The following GK5 variants were observed in gnomAD, a reference collection of about 807,000 sequenced individuals.
The protein encoded by GK5 is ATP:glycerol 3-phosphotransferase 5.
Under a neutral mutation model 77.3 loss-of-function variants are expected in GK5, and 39 were observed. That is an observed-to-expected ratio of 0.50 (90% confidence interval 0.39 to 0.66). GK5 has a LOEUF of 0.66. Ranked by LOEUF, GK5 falls within the 30% of genes least tolerant of loss-of-function variation. The pLI is 0.00. For missense variants in GK5, 487 were observed against 633.8 expected (o/e 0.77, Z 2.49); for synonymous variants, 211 against 208.0 (o/e 1.01, Z -0.13).
At chr3:142,184,768 G>A (rs925932203) in intron 9 of GK5, 65 of 669,148 alleles carry the variant, frequency 9.7e-5, no homozygotes, top group East Asian at 1.4e-4. Context: ...CCCGAGAGGC[G>A]GAGGTCACAG....
At chr3:142,200,468 ATTTC>A (rs1226340910) in intron 4 of GK5, among the ~76,000 whole-genome samples, 3 of 152,144 alleles carry the variant, frequency 2.0e-5, no homozygotes, top group African/African-American at 7.2e-5. Flanking sequence ...GCACCCTGTC[ATTTC>A]TTTATATTTT....
At position 142,165,026 on chromosome 3, in the gene GK5, A is replaced by T. The variant is rs945942631; in HGVS notation, c.*596T>A. On this transcript the variant is annotated 3_prime_UTR_variant, in exon 16 of 16. Coordinates refer to ENST00000392993, the MANE Select transcript of GK5 (RefSeq NM_001039547.3). ...GAAAAATTAAGGCAGTGTCTTTAAGACCAGTAAAGGAAAGCATTAACTATC... is the reference window on the plus strand; with the variant it reads ...GAAAAATTAAGGCAGTGTCTTTAAGTCCAGTAAAGGAAAGCATTAACTATC... 5.2e-5 allele frequency: 8 copies of T among 152,650 alleles called. No individual in the cohort carries two copies. The highest frequency in any genetic ancestry group is 1.9e-4 in the African/African-American group (8 of 41,470). The allele number at this position is 152,650 out of a possible 1,614,324, so 9.5% of individuals were successfully genotyped here.
At chr3:142,195,711 C>T (rs1165262597) in intron 5 of GK5, among the ~76,000 whole-genome samples, 1 of 152,114 alleles carries the variant, frequency 6.6e-6, no homozygotes, top group Non-Finnish European at 1.5e-5. Context: ...TTTCTTTTCT[C>T]TTGATGTCTT....
At chr3:142,174,386 G>A (rs61119800) in intron 12 of GK5, among the ~76,000 whole-genome samples, 2,408 of 152,194 alleles carry the variant, frequency 0.016, 71 homozygotes, top group African/African-American at 0.056. Flanking sequence ...TAGTAAATCT[G>A]GTTTATATCA....
At chr3:142,171,541 T>C in intron 13 of GK5, 63 bp from the exon 14 acceptor site, 1 of 1,095,934 alleles carries the variant, frequency 9.1e-7, no homozygotes, top group Non-Finnish European at 1.3e-6. Context: ...ACTACTTTAT[T>C]CTGATCTTGA....
chr3:142,193,485 A>G (rs1439809001), intron 5 of GK5, among the ~76,000 whole-genome samples: 1 of 144,810 alleles, frequency 6.9e-6, no homozygotes, highest in East Asian at 1.9e-4. Flanking sequence ...GTCTGCTACA[A>G]AAAAAAAAAA....
intron 5 of GK5, among the ~76,000 whole-genome samples, chr3:142,193,594 T>C (rs1219222349): frequency 6.6e-6 from 1 of 152,182 alleles, no homozygotes; most frequent in Non-Finnish European, 1.5e-5. Context: ...TTCCAATCCA[T>C]GTATATAAGA....
At position 142,187,411 on chromosome 3, in the gene GK5, G is replaced by A. The variant is rs112521142; in HGVS notation, c.619+293C>T. 4.7e-3 allele frequency among the ~76,000 whole-genome samples: 717 copies of A among 151,794 alleles called. 4 individuals are homozygous for A. Among genetic ancestry groups the A allele is most frequent in the South Asian group, 7.7e-3 (37 of 4,808 alleles). On this transcript the variant is annotated intron_variant, in intron 6 of 15. Coordinates refer to ENST00000392993, the MANE Select transcript of GK5 (RefSeq NM_001039547.3). The stretch of plus-strand genomic sequence containing the variant: ...TTGAGTCCAGGAGTTCAAGACCAGC[G>A]TGGGCAACATGGCAAAACCCTGTCT...
chr3:142,158,097 A>C lies in GK5; in HGVS notation c.*7525T>G, dbSNP rs1577096655. The C allele has an allele frequency of 6.6e-6, 1 of 151,686 alleles. No homozygotes were observed. The highest frequency in any genetic ancestry group is 2.4e-5 in the African/African-American group (1 of 41,272). The allele number at this position is 151,686 out of a possible 1,614,324, so 9.4% of individuals were successfully genotyped here. On this transcript the variant is annotated 3_prime_UTR_variant, in exon 16 of 16. Coordinates refer to ENST00000392993, the MANE Select transcript of GK5 (RefSeq NM_001039547.3). ...CTCCCGAGTAGCTGGGAGTACAGGC[A>C]CCCGCCACCACGCCTGGCTAATTTT...
intron 8 of GK5, 97 bp downstream of exon 8, chr3:142,186,097 C>T (rs1199675234): frequency 2.6e-6 from 3 of 1,149,736 alleles, no homozygotes; most frequent in Non-Finnish European, 3.9e-6. Context: ...AATGAACATA[C>T]AAGTCCTTCA....
chr3:142,184,304 T>A lies in GK5; in HGVS notation c.817-1255A>T, dbSNP rs1226019693. Among the ~76,000 whole-genome samples the A allele has an allele frequency of 2.6e-3, 258 of 98,232 alleles. 2 individuals carry two copies. Among genetic ancestry groups the A allele is most frequent in the African/African-American group, 0.01 (235 of 23,436 alleles). The allele number at this position is 98,232 out of a possible 152,430, so 64.4% of individuals were successfully genotyped here. A position where few individuals can be genotyped will look rare whatever the true frequency, so the allele number is the denominator to read the frequency against. The stretch of plus-strand genomic sequence containing the variant: ...AAAAAAAAGAAAATAAGAATAAAAA[T>A]GATAACCAAAAAAAAACTAAGATTT... On this transcript the variant is annotated intron_variant, in intron 9 of 15. Transcript: ENST00000392993.
At chr3:142,191,665 C>T (rs987335835) in intron 5 of GK5, among the ~76,000 whole-genome samples, 1 of 152,008 alleles carries the variant, frequency 6.6e-6, no homozygotes, top group Non-Finnish European at 1.5e-5. Context: ...TGGTGAAACC[C>T]CATCTCTACT....
intron 2 of GK5, among the ~76,000 whole-genome samples, chr3:142,215,014 G>C (rs368493332): frequency 6.6e-6 from 1 of 152,170 alleles, no homozygotes; most frequent in East Asian, 1.9e-4. Flanking sequence ...AAGCAGTTCA[G>C]CCAGAAAAAT....
rs200434197 is a variant in GK5, at chr3:142,188,541, C to CA, written c.544-763dup. Among the ~76,000 whole-genome samples, 122 of 152,018 alleles carry CA rather than the reference C, an allele frequency of 8.0e-4. 2 individuals are homozygous for CA. The East Asian group carries it at 0.02, about 26-fold the overall frequency. ...ACTCCGTCTCAAAAACAAAACAAAA[C>CA]AAAAAAAAGCCCAAAGCTGGGATGG... On this transcript the variant is annotated intron_variant, in intron 5 of 15. Transcript: ENST00000392993.
chr3:142,225,035 T>A (rs989952719), intron 1 of GK5, among the ~76,000 whole-genome samples: 1 of 151,962 alleles, frequency 6.6e-6, no homozygotes, highest in African/African-American at 2.4e-5. Flanking sequence ...GCTCCCCAGG[T>A]GGCAAGAGGC....
intron 3 of GK5, among the ~76,000 whole-genome samples, chr3:142,213,116 G>A (rs549840631): frequency 6.6e-6 from 1 of 152,208 alleles, no homozygotes; most frequent in African/African-American, 2.4e-5. Flanking sequence ...TTACAGGCGT[G>A]AGCCACCGCT....
chr3:142,204,451 A>G (rs2064072690), intron 4 of GK5: 3 of 534,828 alleles, frequency 5.6e-6, no homozygotes, highest in Non-Finnish European at 1.0e-5. Flanking sequence ...ACAGAAACAC[A>G]AATTCTCACT....
At chr3:142,177,725 C>T in intron 11 of GK5, 149 bp from the exon 12 acceptor site, 1 of 598,140 alleles carries the variant, frequency 1.7e-6, no homozygotes, top group Non-Finnish European at 3.0e-6. Flanking sequence ...AAAGGGTCAG[C>T]ACAAAGACCA....
At chr3:142,167,145 G>A (rs557957988) in intron 15 of GK5, among the ~76,000 whole-genome samples, 9 of 152,170 alleles carry the variant, frequency 5.9e-5, no homozygotes, top group Admixed American at 2.0e-4. Flanking sequence ...AAGCCGAGGC[G>A]GGCAGATCAT....
Sources: allele counts gnomAD v4.1 joint callset (sites outside exome capture counted in the v4.1 genomes callset), GRCh38; gene constraint gnomAD v4.1.1; transcripts MANE v1.5; gene names NCBI Gene and HGNC (gene_info 2026-07-23, HGNC 2026-07-21).